Variants in STAM observed in about 807,000 individuals in gnomAD.
The protein encoded by STAM is signal transducing adaptor molecule, also known as signal transducing adapter molecule 1.
Under a neutral mutation model 63.4 loss-of-function variants are expected in STAM, and 16 were observed. The observed-to-expected ratio is 0.25, with a 90% confidence interval of 0.17 to 0.38. The LOEUF (loss-of-function observed/expected upper bound fraction) is 0.38. STAM is among the 10% of genes least tolerant of loss of function. The pLI, the probability that STAM is intolerant of heterozygous loss-of-function variation, is 1.00. For synonymous variants in STAM, 238 were observed against 223.9 expected (o/e 1.06, Z -0.56); for missense variants, 636 against 657.1 (o/e 0.97, Z 0.35).
At chr10:17,685,714 T>C (rs769182137) in intron 4 of STAM, among the ~76,000 whole-genome samples, 7 of 152,134 alleles carry the variant, frequency 4.6e-5, no homozygotes, top group Non-Finnish European at 5.9e-5. Flanking sequence ...GTGGAAAACA[T>C]GCAGCTGGCT....
intron 2 of STAM, among the ~76,000 whole-genome samples, chr10:17,677,468 A>G (rs1834902105): frequency 6.6e-6 from 1 of 152,110 alleles, no homozygotes. Context: ...TTTACCATGC[A>G]TTGAAATGAT....
intron 2 of STAM, among the ~76,000 whole-genome samples, chr10:17,666,191 C>G (rs950903284): frequency 1.3e-5 from 2 of 151,982 alleles, no homozygotes; most frequent in Non-Finnish European, 2.9e-5. Context: ...TTAGCTTTAG[C>G]CAAAGATATA....
intron 2 of STAM, among the ~76,000 whole-genome samples, chr10:17,680,519 C>T (rs1318850731): frequency 6.6e-6 from 1 of 151,768 alleles, no homozygotes; most frequent in Admixed American, 6.6e-5. Context: ...GATCCTTCCA[C>T]CTCAGCCTCT....
rs1554820510 is a variant in STAM, at chr10:17,644,339, G to A, written c.-1G>A. On this transcript the variant is annotated 5_prime_UTR_variant, in exon 1 of 14. Coordinates refer to ENST00000377524, the MANE Select transcript of STAM (RefSeq NM_003473.4). Reference sequence around the variant, plus strand: ...CGGGGACACCTCGGCACGCAGCGGAGATGCCTCTTTTTGCCACCAATCCCT... The same window carrying A: ...CGGGGACACCTCGGCACGCAGCGGAAATGCCTCTTTTTGCCACCAATCCCT... The A allele has an allele frequency of 6.2e-7, 1 of 1,614,052 alleles. No individual in the cohort carries two copies. Among genetic ancestry groups the A allele is most frequent in the African/African-American group, 1.3e-5 (1 of 74,926 alleles).
intron 2 of STAM, among the ~76,000 whole-genome samples, chr10:17,664,485 T>A (rs1189908190): frequency 6.6e-6 from 1 of 152,096 alleles, no homozygotes; most frequent in Non-Finnish European, 1.5e-5. Flanking sequence ...AATTATTTTA[T>A]AATTAGTATA....
At chr10:17,692,406 G>A (rs536661493) in intron 5 of STAM, among the ~76,000 whole-genome samples, 1 of 152,274 alleles carries the variant, frequency 6.6e-6, no homozygotes, top group South Asian at 2.1e-4. Context: ...AGCCATAGGG[G>A]GAGAACGTTG....
In STAM at chr10:17,694,771, T is replaced by A. The variant is rs189952210; in HGVS notation, c.536-278T>A. 3.2e-3 allele frequency among the ~76,000 whole-genome samples: 490 copies of A among 152,336 alleles called. 1 individual carries two copies. Among genetic ancestry groups the A allele is most frequent in the Middle Eastern group, 0.01 (3 of 294 alleles). On this transcript the variant is annotated intron_variant, in intron 6 of 13. Coordinates refer to ENST00000377524, the MANE Select transcript of STAM (RefSeq NM_003473.4). Reference sequence around the variant, plus strand: ...AAAAAAGAAAAGTAGATTTAAGAGTTTGTATTTTTTATTACCCAGAATAAT... The same window carrying A: ...AAAAAAGAAAAGTAGATTTAAGAGTATGTATTTTTTATTACCCAGAATAAT...
At chr10:17,701,024 C>G (rs1835971145) in intron 9 of STAM, among the ~76,000 whole-genome samples, 1 of 152,126 alleles carries the variant, frequency 6.6e-6, no homozygotes, top group African/African-American at 2.4e-5. Flanking sequence ...ATGTCATTGT[C>G]ACACCTGAAA....
intron 2 of STAM, chr10:17,672,936 C>A: frequency 1.5e-6 from 1 of 683,722 alleles, no homozygotes; most frequent in Non-Finnish European, 1.8e-6. Context: ...TTCTTTGTCC[C>A]TGCCCCTGAC....
intron 2 of STAM, among the ~76,000 whole-genome samples, chr10:17,673,903 T>C (rs1268825140): frequency 6.6e-6 from 1 of 152,186 alleles, no homozygotes; most frequent in African/African-American, 2.4e-5. Flanking sequence ...CAGGCACAGC[T>C]TGATGTGGGG....
intron 1 of STAM, among the ~76,000 whole-genome samples, chr10:17,648,239 C>T (rs12258385): frequency 0.11 from 16,579 of 152,124 alleles, 963 homozygotes; most frequent in Middle Eastern, 0.15. Flanking sequence ...TAAAATGCAC[C>T]GATCAGTGCT....
chr10:17,698,003 A>G (rs1835835988), intron 8 of STAM, among the ~76,000 whole-genome samples: 1 of 152,172 alleles, frequency 6.6e-6, no homozygotes, highest in Non-Finnish European at 1.5e-5. Context: ...TATAATACAT[A>G]CTACATATTT....
chr10:17,672,833 AGTGTGATTT>A (rs140766641), intron 2 of STAM: 16,488 of 160,638 alleles, frequency 0.1, 868 homozygotes, highest in Middle Eastern at 0.16. Context: ...ATCTTACAGC[AGTGTGATTT>A]GTGTTATGGT....
At chr10:17,651,201 T>C (rs1393389166) in intron 1 of STAM, among the ~76,000 whole-genome samples, 2 of 152,180 alleles carry the variant, frequency 1.3e-5, no homozygotes, top group African/African-American at 4.8e-5. Flanking sequence ...TCCACTTTTT[T>C]CTTGCAGGTG....
chr10:17,714,283 A>G (rs1836699821), intron 13 of STAM, among the ~76,000 whole-genome samples: 1 of 151,912 alleles, frequency 6.6e-6, no homozygotes, highest in Non-Finnish European at 1.5e-5. Context: ...CAGACGCTCC[A>G]TGGTGGTATA....
At chr10:17,712,882 G>A (rs1836619107) in intron 13 of STAM, among the ~76,000 whole-genome samples, 2 of 152,064 alleles carry the variant, frequency 1.3e-5, no homozygotes, top group Non-Finnish European at 2.9e-5. Flanking sequence ...GAGCGGTAGG[G>A]AAGCTCAGTA....
At chr10:17,691,245 G>A (rs781814621) in intron 5 of STAM, among the ~76,000 whole-genome samples, 11 of 152,260 alleles carry the variant, frequency 7.2e-5, no homozygotes, top group Non-Finnish European at 1.3e-4. Flanking sequence ...CTGGCCGGGC[G>A]CGGTGGCTCA....
intron 2 of STAM, 48 bp from the exon 3 acceptor site, chr10:17,684,627 G>A (rs1554825855): frequency 6.7e-6 from 10 of 1,491,476 alleles, no homozygotes; most frequent in Non-Finnish European, 9.3e-6. Context: ...GGGGCAGGGG[G>A]AAGCTAGATG....
In STAM at chr10:17,670,163, A is replaced by G. The variant is rs191017321; in HGVS notation, c.125+9615A>G. ...GATAACAACAGAAGTCAAGTTGTTG[A>G]CTAGGCAATAGGGAATGGGATCCGA... On this transcript the variant is annotated intron_variant, in intron 2 of 13. Transcript: ENST00000377524. 8.5e-5 allele frequency among the ~76,000 whole-genome samples: 13 copies of G among 152,270 alleles called. No homozygotes were observed. The East Asian group carries it at 1.9e-3, about 23-fold the overall frequency.
Sources: gnomAD v4.1 joint callset for allele counts (sites outside exome capture counted in the v4.1 genomes callset) on GRCh38, gnomAD v4.1.1 for gene constraint, MANE v1.5 for transcripts, NCBI Gene and HGNC (gene_info 2026-07-23, HGNC 2026-07-21) for gene names.